Variants in DLC1 observed in about 807,000 individuals in gnomAD.
DLC1 encodes DLC1 Rho GTPase activating protein.
A neutral mutation model predicts 140.3 loss-of-function variants in DLC1; 54 were observed. The observed-to-expected ratio is 0.38, with a 90% confidence interval of 0.31 to 0.48. DLC1 has a LOEUF of 0.48. Ranked by LOEUF, DLC1 falls within the 20% of genes least tolerant of loss-of-function variation. The pLI is 0.96. For synonymous variants in DLC1, 986 were observed against 728.1 expected, an observed-to-expected ratio of 1.35 and a Z score of -5.70; for missense variants, 2,536 against 1,907.0, an observed-to-expected ratio of 1.33 and a Z score of -6.14.
intron 6 of DLC1, among the ~76,000 whole-genome samples, chr8:13,112,434 T>A (rs989908437): frequency 6.6e-6 from 1 of 152,168 alleles, no homozygotes. Context: ...AAGGCTACAG[T>A]TGGATTACTG....
rs533312672 is a variant in DLC1, at chr8:13,481,162, C to T, written c.1023+17887G>A. On this transcript the variant is annotated intron_variant, in intron 2 of 17. Coordinates refer to ENST00000276297, the MANE Select transcript of DLC1 (RefSeq NM_182643.3). ...CAAATAGGCTGGGTGCAGTTGCTCACGCCTGTAATCCCAGTAACTTGGGAG... is the reference window on the plus strand; with the variant it reads ...CAAATAGGCTGGGTGCAGTTGCTCATGCCTGTAATCCCAGTAACTTGGGAG... 3.9e-5 allele frequency among the ~76,000 whole-genome samples: 6 copies of T among 152,222 alleles called. No individual in the cohort carries two copies. The East Asian group carries it at 7.7e-4, about 20-fold the overall frequency.
Position 13,346,769 on chromosome 8 carries a change from G to A in DLC1, c.1315-41467C>T, listed in dbSNP as rs928687943. ...TCAAGCCCCTGTTATTGGCTCTCTT[G>A]CTTCCCTTTTCCCACTGTAGCAGAT... On this transcript the variant is annotated intron_variant, in intron 4 of 17. Coordinates refer to ENST00000276297, the MANE Select transcript of DLC1 (RefSeq NM_182643.3). Among the ~76,000 whole-genome samples the A allele has an allele frequency of 2.0e-5, 3 of 152,082 alleles. No homozygotes were observed. In the East Asian group the frequency reaches 5.8e-4, roughly 29 times the overall value.
rs1415103356 is a variant in DLC1, at chr8:13,173,580, C to G, written c.1349-57923G>C. Among the ~76,000 whole-genome samples, 7 of 152,272 alleles carry G rather than the reference C, an allele frequency of 4.6e-5. No homozygotes were observed. In the East Asian group the frequency reaches 1.4e-3, roughly 30 times the overall value. The stretch of plus-strand genomic sequence containing the variant: ...AGATACGGGGTTTCACTTTGGTGGC[C>G]AGAATGGCCTCGATCTCCTGACCTC... On this transcript the variant is annotated intron_variant, in intron 5 of 17. Coordinates refer to ENST00000276297, the MANE Select transcript of DLC1 (RefSeq NM_182643.3).
chr8:13,523,279 A>T (rs578158925), intron 1 of DLC1, among the ~76,000 whole-genome samples: 2 of 152,056 alleles, frequency 1.3e-5, no homozygotes, highest in Admixed American at 1.3e-4. Context: ...CATGCTACCA[A>T]TTTTTTTTAA....
intron 5 of DLC1, among the ~76,000 whole-genome samples, chr8:13,286,134 T>C (rs1831527873): frequency 6.6e-6 from 1 of 152,116 alleles, no homozygotes; most frequent in Non-Finnish European, 1.5e-5. Flanking sequence ...ACAGAACATA[T>C]AGAAGTGATA....
intron 1 of DLC1, among the ~76,000 whole-genome samples, chr8:13,571,502 T>C (rs925054087): frequency 3.9e-5 from 6 of 152,242 alleles, no homozygotes; most frequent in Non-Finnish European, 8.8e-5. Context: ...TCGAGGTTCA[T>C]CCAAGTTGTA....
intron 5 of DLC1, among the ~76,000 whole-genome samples, chr8:13,179,500 T>C (rs984098811): frequency 5.3e-5 from 8 of 152,044 alleles, no homozygotes; most frequent in Non-Finnish European, 1.2e-4. Context: ...GCAGACAGAT[T>C]GCTTGAGCTC....
At chr8:13,348,190 G>T (rs1476991363) in intron 4 of DLC1, among the ~76,000 whole-genome samples, 1 of 152,184 alleles carries the variant, frequency 6.6e-6, no homozygotes, top group Non-Finnish European at 1.5e-5. Flanking sequence ...TGGAGGGAGA[G>T]AAAAAGGGTA....
At chr8:13,604,286 GA>G (rs1210894629) in intron 1 of DLC1, among the ~76,000 whole-genome samples, 3 of 152,112 alleles carry the variant, frequency 2.0e-5, no homozygotes, top group African/African-American at 7.2e-5. Context: ...ATATTTCCAT[GA>G]GAAAGCATTA....
At chr8:13,529,249 C>T (rs565120219) in intron 1 of DLC1, among the ~76,000 whole-genome samples, 4 of 152,204 alleles carry the variant, frequency 2.6e-5, no homozygotes, top group South Asian at 4.2e-4. Context: ...TTTTGAGCAC[C>T]TACTATGTGT....
intron 5 of DLC1, among the ~76,000 whole-genome samples, chr8:13,264,150 C>A (rs1830589128): frequency 6.6e-6 from 1 of 151,806 alleles, no homozygotes; most frequent in African/African-American, 2.4e-5. Context: ...CTCACTGCAA[C>A]CTCTCCCTCC....
chr8:13,231,498 C>T (rs1211676253), intron 5 of DLC1, among the ~76,000 whole-genome samples: 2 of 152,200 alleles, frequency 1.3e-5, no homozygotes, highest in African/African-American at 4.8e-5. Context: ...TCAGTTATTA[C>T]TTCCTAATTT....
chr8:13,579,313 C>CTTTTTT (rs1252390206), intron 1 of DLC1, among the ~76,000 whole-genome samples: 1 of 17,780 alleles, frequency 5.6e-5, no homozygotes, highest in Non-Finnish European at 1.0e-4. Flanking sequence ...ACAGGTCTGA[C>CTTTTTT]TTTATATATA....
intron 1 of DLC1, among the ~76,000 whole-genome samples, chr8:13,579,315 T>TTTTTTTTA (rs1487346725): frequency 9.4e-5 from 1 of 10,670 alleles, no homozygotes; most frequent in Non-Finnish European, 1.6e-4. Context: ...AGGTCTGACT[T>TTTTTTTTA]TATATATATA....
At chr8:13,574,206 C>G (rs182152470) in intron 1 of DLC1, among the ~76,000 whole-genome samples, 10 of 152,156 alleles carry the variant, frequency 6.6e-5, no homozygotes, top group African/African-American at 2.4e-4. Context: ...GGCAAATTAG[C>G]GTAAAGCTTT....
At chr8:13,454,033 G>GA (rs1799276518) in intron 2 of DLC1, among the ~76,000 whole-genome samples, 1 of 151,958 alleles carries the variant, frequency 6.6e-6, no homozygotes, top group Admixed American at 6.6e-5. Flanking sequence ...GGCAAAATTC[G>GA]CATGTTTTAA....
At chr8:13,097,754 G>A (rs1019660682) in intron 10 of DLC1, among the ~76,000 whole-genome samples, 12 of 152,002 alleles carry the variant, frequency 7.9e-5, no homozygotes, top group Admixed American at 6.5e-4. Flanking sequence ...CCTATACCAC[G>A]TGATGCAAGA....
chr8:13,160,350 G>C (rs1380142407), intron 5 of DLC1: 2 of 152,206 alleles, frequency 1.3e-5, no homozygotes, highest in African/African-American at 4.8e-5. Flanking sequence ...ATAAACATTT[G>C]AGTCATAAAG....
chr8:13,505,201 G>C (rs987578515), intron 1 of DLC1, among the ~76,000 whole-genome samples: 2 of 152,028 alleles, frequency 1.3e-5, no homozygotes, highest in African/African-American at 4.8e-5. Flanking sequence ...AATGCAAATA[G>C]TAAACATTAA....
Sources: allele counts gnomAD v4.1 joint callset (sites outside exome capture counted in the v4.1 genomes callset), GRCh38; gene constraint gnomAD v4.1.1; transcripts MANE v1.5; gene names NCBI Gene and HGNC (gene_info 2026-07-23, HGNC 2026-07-21).